The following ZMAT4 variants were observed in gnomAD, a reference collection of about 807,000 sequenced individuals.
The protein encoded by ZMAT4 is zinc finger matrin-type 4.
ZMAT4 carries 17 observed loss-of-function variants against 28.7 expected under a neutral mutation model. The observed-to-expected ratio is 0.59, with a 90% CI of 0.41 to 0.89. ZMAT4 has a LOEUF of 0.89. ZMAT4 is among the 40% of genes least tolerant of loss of function. ZMAT4 has a pLI of 0.00. For missense variants in ZMAT4, 240 were observed against 283.8 expected (o/e 0.85, Z 1.11); for synonymous variants, 117 against 109.2 (o/e 1.07, Z -0.44).
chr8:40,637,588 T>A (rs540930213), intron 5 of ZMAT4, among the ~76,000 whole-genome samples: 1 of 152,192 alleles, frequency 6.6e-6, no homozygotes, highest in Non-Finnish European at 1.5e-5. Context: ...AATGCCATAT[T>A]AAAATAGTTA....
chr8:40,792,106 C>T (rs1310378898), intron 2 of ZMAT4, among the ~76,000 whole-genome samples: 1 of 152,086 alleles, frequency 6.6e-6, no homozygotes, highest in Admixed American at 6.5e-5. Flanking sequence ...TTTGTATTTC[C>T]TTACCTACAA....
At chr8:40,772,540 A>G (rs1813425486) in intron 2 of ZMAT4, among the ~76,000 whole-genome samples, 1 of 152,232 alleles carries the variant, frequency 6.6e-6, no homozygotes. Context: ...GTATCATAAA[A>G]CGTGGCGATA....
chr8:40,567,785 T>C (rs1266396459), intron 6 of ZMAT4, among the ~76,000 whole-genome samples: 1 of 152,156 alleles, frequency 6.6e-6, no homozygotes, highest in Non-Finnish European at 1.5e-5. Context: ...ATAACAGTGT[T>C]TAACACTTAA....
chr8:40,820,325 T>C (rs1004532252), intron 2 of ZMAT4, among the ~76,000 whole-genome samples: 3 of 151,462 alleles, frequency 2.0e-5, no homozygotes, highest in East Asian at 1.9e-4. Flanking sequence ...TTTATGTGTG[T>C]ATATGTGTAT....
chr8:40,783,817 C>A (rs1294898426), intron 2 of ZMAT4, among the ~76,000 whole-genome samples: 1 of 152,024 alleles, frequency 6.6e-6, no homozygotes, highest in African/African-American at 2.4e-5. Context: ...TTGAGACCAG[C>A]CCGGCCAACA....
chr8:40,813,189 T>G (rs943302053), intron 2 of ZMAT4, among the ~76,000 whole-genome samples: 4 of 151,768 alleles, frequency 2.6e-5, no homozygotes, highest in African/African-American at 9.7e-5. Context: ...GTAAAAAAAA[T>G]CCATGCCCAC....
chr8:40,688,888 C>T lies in ZMAT4; in HGVS notation c.349+8357G>A, dbSNP rs1255082154. ...CTAGGCTCTGAAGTCTGGTTTTCCC[C>T]ACCTCTGGGAGAGGATGAGCAAATG... On this transcript the variant is annotated intron_variant, in intron 4 of 6. Coordinates refer to ENST00000297737, the MANE Select transcript of ZMAT4 (RefSeq NM_024645.3). 2.0e-5 allele frequency among the ~76,000 whole-genome samples: 3 copies of T among 152,170 alleles called. No homozygotes were observed. In the East Asian group the frequency reaches 5.8e-4, roughly 29 times the overall value.
intron 4 of ZMAT4, among the ~76,000 whole-genome samples, chr8:40,677,906 C>T (rs1808978892): frequency 6.6e-6 from 1 of 152,078 alleles, no homozygotes; most frequent in Non-Finnish European, 1.5e-5. Context: ...AACCAAAAGT[C>T]AATTAATCGA....
intron 4 of ZMAT4, chr8:40,690,849 G>C: frequency 1.1e-6 from 1 of 948,488 alleles, no homozygotes; most frequent in Non-Finnish European, 1.3e-6. Flanking sequence ...GAACCAATAA[G>C]ATTTTAGAAG....
chr8:40,805,019 A>G (rs1207629279), intron 2 of ZMAT4, among the ~76,000 whole-genome samples: 7 of 151,540 alleles, frequency 4.6e-5, no homozygotes, highest in Non-Finnish European at 5.9e-5. Context: ...GCAACCTACA[A>G]AATGGGAGAA....
intron 1 of ZMAT4, among the ~76,000 whole-genome samples, chr8:40,861,156 C>T (rs1271605499): frequency 1.3e-5 from 2 of 152,202 alleles, no homozygotes; most frequent in African/African-American, 4.8e-5. Context: ...CAGGGGGGAC[C>T]CTGTCTCTTT....
intron 5 of ZMAT4, among the ~76,000 whole-genome samples, chr8:40,672,475 C>T (rs1035195364): frequency 6.6e-6 from 1 of 152,134 alleles, no homozygotes; most frequent in African/African-American, 2.4e-5. Context: ...CAATGCTAAT[C>T]GCATTCCATG....
At chr8:40,819,191 A>G (rs550279056) in intron 2 of ZMAT4, among the ~76,000 whole-genome samples, 92 of 152,226 alleles carry the variant, frequency 6.0e-4, no homozygotes, top group African/African-American at 2.1e-3. Context: ...ATGATGAGAG[A>G]ACAATACTAG....
chr8:40,532,320 C>T, intron 6 of ZMAT4, 82 bp from the exon 7 acceptor site: 2 of 1,236,492 alleles, frequency 1.6e-6, no homozygotes, highest in Non-Finnish European at 2.2e-6. Context: ...CACCCCCTGT[C>T]TCTCTTCTAC....
intron 3 of ZMAT4, among the ~76,000 whole-genome samples, chr8:40,739,822 G>C (rs1042271401): frequency 6.6e-6 from 1 of 152,094 alleles, no homozygotes; most frequent in African/African-American, 2.4e-5. Flanking sequence ...ACAGGCCCCG[G>C]TGTATGATAT....
chr8:40,785,127 A>G (rs952847024), intron 2 of ZMAT4, among the ~76,000 whole-genome samples: 1 of 152,174 alleles, frequency 6.6e-6, no homozygotes, highest in Non-Finnish European at 1.5e-5. Flanking sequence ...TGGGATACAC[A>G]TATGCCTCCC....
intron 5 of ZMAT4, among the ~76,000 whole-genome samples, chr8:40,593,837 C>T (rs531467957): frequency 4.3e-4 from 66 of 152,294 alleles, no homozygotes; most frequent in Admixed American, 7.8e-4. Flanking sequence ...GTCTAATCTT[C>T]GGTGTCCTTC....
intron 2 of ZMAT4, among the ~76,000 whole-genome samples, chr8:40,820,412 GTGTGTGTATAGTGTGTGCTTA>G (rs1815719892): frequency 7.8e-6 from 1 of 127,730 alleles, no homozygotes; most frequent in African/African-American, 3.0e-5. Flanking sequence ...GTGTGTGAAA[GTGTGTGTATAGTGTGTGCTTA>G]TGTGTGTATT....
chr8:40,820,496 G>C (rs534935673), intron 2 of ZMAT4, among the ~76,000 whole-genome samples: 91 of 117,840 alleles, frequency 7.7e-4, no homozygotes, highest in African/African-American at 3.0e-3. Flanking sequence ...GTGTGTATAT[G>C]TGTGTATGTG....
Sources: gnomAD v4.1 joint callset for allele counts (sites outside exome capture counted in the v4.1 genomes callset) on GRCh38, gnomAD v4.1.1 for gene constraint, MANE v1.5 for transcripts, NCBI Gene and HGNC (gene_info 2026-07-23, HGNC 2026-07-21) for gene names.